The following ESPNL variants were observed in gnomAD, a reference collection of about 807,000 sequenced individuals.
ESPNL encodes the protein espin-like protein.
Under a neutral mutation model 46.8 loss-of-function variants are expected in ESPNL, and 49 were observed. The ratio of observed to expected loss-of-function variants is 1.05; its 90% confidence interval spans 0.83 to 1.33. The LOEUF (loss-of-function observed/expected upper bound fraction) is 1.33, where lower values mean the gene tolerates loss of function less well. Among genes scored for constraint, ESPNL ranks in the 40% most tolerant of loss-of-function variants. The pLI is 0.00. For synonymous variants in ESPNL, 664 were observed against 662.1 expected (o/e 1.00, Z -0.04); for missense variants, 1,540 against 1,436.6 (o/e 1.07, Z -1.16).
intron 4 of ESPNL, among the ~76,000 whole-genome samples, chr2:238,110,652 TCCTG>T (rs1691696841): frequency 1.7e-5 from 2 of 117,492 alleles, no homozygotes; most frequent in African/African-American, 5.8e-5. Flanking sequence ...AGTGTCCCTT[TCCTG>T]TCCCAGGATC....
At chr2:238,116,667 C>T (rs1691820805) in intron 4 of ESPNL, among the ~76,000 whole-genome samples, 1 of 152,234 alleles carries the variant, frequency 6.6e-6, no homozygotes, top group African/African-American at 2.4e-5. Context: ...CTCAGCACTG[C>T]TTCATAAGCA....
chr2:238,127,781 G>A, intron 7 of ESPNL, 47 bp downstream of exon 7: 3 of 1,453,722 alleles, frequency 2.1e-6, no homozygotes, highest in South Asian at 1.2e-5. Flanking sequence ...CCCCTAGCCA[G>A]CCTCCATTCC....
At position 238,131,082 on chromosome 2, in the gene ESPNL, G is replaced by A. The variant is rs766904998; in HGVS notation, c.2368G>A (p.Glu790Lys). Residue 790 changes from glutamate (E) to lysine (K), a missense_variant, in exon 9 of 9, where the codon GAG becomes AAG. By Grantham distance (56) the Glu-to-Lys change is moderately conservative (BLOSUM62 1). Coordinates refer to ENST00000343063, the MANE Select transcript of ESPNL (RefSeq NM_194312.4). Reference sequence around the variant, plus strand: ...CCCTGGGCCACCCTCCCCGCCCAGCGAGGGCCCCCGGCTGGGCCACCTGTG... The same window carrying A: ...CCCTGGGCCACCCTCCCCGCCCAGCAAGGGCCCCCGGCTGGGCCACCTGTG... The part of the protein sequence containing the change: ...RSPGPPSPPS[E>K]GPRLGHLWQQ... The A allele has an allele frequency of 1.5e-5, 23 of 1,540,970 alleles. No individual in the cohort carries two copies. Among genetic ancestry groups the A allele is most frequent in the Admixed American group, 3.9e-5 (2 of 50,794 alleles).
At chr2:238,109,486 G>A (rs1559260156) in intron 4 of ESPNL, among the ~76,000 whole-genome samples, 1 of 152,166 alleles carries the variant, frequency 6.6e-6, no homozygotes. Flanking sequence ...GAGTAGCTGG[G>A]ACTATAGGCG....
intron 6 of ESPNL, among the ~76,000 whole-genome samples, chr2:238,127,133 G>GTCTGTT (rs1692156225): frequency 9.5e-6 from 1 of 105,474 alleles, no homozygotes; most frequent in Non-Finnish European, 1.9e-5. Flanking sequence ...CTGTGTCTGT[G>GTCTGTT]TGATTGTGTC....
chr2:238,131,703 G>T lies in ESPNL; in HGVS notation c.2989G>T (p.Glu997Ter). 6.3e-7 allele frequency: 1 copy of T among 1,589,392 alleles called. No individual in the cohort carries two copies. Among genetic ancestry groups the T allele is most frequent in the Non-Finnish European group, 8.6e-7 (1 of 1,161,294 alleles). Residue 997 changes from glutamate to a stop codon, truncating the protein, a stop_gained, in exon 9 of 9, where the codon GAA becomes TAA. Coordinates refer to ENST00000343063, the MANE Select transcript of ESPNL (RefSeq NM_194312.4). LOFTEE classifies it high-confidence loss of function. ...NRSFAFWKEKEAEMFNFGE is the reference protein window; with the variant it reads ...NRSFAFWKEK ...CAGCTTTGCCTTCTGGAAGGAGAAGGAAGCTGAGATGTTCAACTTTGGAGA... is the reference window on the plus strand; with the variant it reads ...CAGCTTTGCCTTCTGGAAGGAGAAGTAAGCTGAGATGTTCAACTTTGGAGA...
At position 238,111,771 on chromosome 2, in the gene ESPNL, C is replaced by G. The variant is rs74491567; in HGVS notation, c.855+3798C>G. Reference sequence around the variant, plus strand: ...GTGTGTAAATATCTCTGAGATCCAGCCTTCAAATCTTTTGGATATGTATAC... The same window carrying G: ...GTGTGTAAATATCTCTGAGATCCAGGCTTCAAATCTTTTGGATATGTATAC... On this transcript the variant is annotated intron_variant, in intron 4 of 8. Coordinates refer to ENST00000343063, the MANE Select transcript of ESPNL (RefSeq NM_194312.4). Among the ~76,000 whole-genome samples the G allele has an allele frequency of 7.5e-3, 1,148 of 152,272 alleles. 6 individuals are homozygous for G. The highest frequency in any genetic ancestry group is 0.012 in the Non-Finnish European group (796 of 68,024).
At chr2:238,113,583 G>C (rs1300632278) in intron 4 of ESPNL, among the ~76,000 whole-genome samples, 2 of 152,260 alleles carry the variant, frequency 1.3e-5, no homozygotes, top group East Asian at 3.9e-4. Flanking sequence ...TGAAGCGTAG[G>C]CATAACTGGA....
Position 238,127,744 on chromosome 2 carries a change from C to T in ESPNL, c.1215+10C>T. 1 of 1,597,982 alleles carries T rather than the reference C, an allele frequency of 6.3e-7. No homozygotes were observed. The highest frequency in any genetic ancestry group is 8.5e-7 in the Non-Finnish European group (1 of 1,171,976). ...CACGGCTGACCCCGAGGTTCGTCCT[C>T]CACCCCTGCATTCCTGTCTCCCGGG... On this transcript the variant is annotated intron_variant, in intron 7 of 8. Coordinates refer to ENST00000343063, the MANE Select transcript of ESPNL (RefSeq NM_194312.4).
chr2:238,104,810 G>C lies in ESPNL; in HGVS notation c.640G>C (p.Ala214Pro). The stretch of plus-strand genomic sequence containing the variant: ...CATGAGCGCCCTGCACGCTGCCGCC[G>C]CCCGTGGCCACTACTCCCTCGTCGT... ...DGMSALHAAA[A>P]RGHYSLVVWL... Residue 214 changes from alanine (A) to proline (P), a missense_variant, in exon 3 of 9, where the codon GCC becomes CCC. Coordinates refer to ENST00000343063, the MANE Select transcript of ESPNL (RefSeq NM_194312.4). 6.4e-7 allele frequency: 1 copy of C among 1,552,370 alleles called. No individual in the cohort carries two copies. The highest frequency in any genetic ancestry group is 1.4e-5 in the African/African-American group (1 of 73,438).
rs748164715 is a variant in ESPNL, at chr2:238,131,408, C to G, written c.2694C>G (p.Arg898=). 1 of 1,607,812 alleles carries G rather than the reference C, an allele frequency of 6.2e-7. No individual in the cohort carries two copies. Among genetic ancestry groups the G allele is most frequent in the Non-Finnish European group, 8.5e-7 (1 of 1,177,926 alleles). The change falls in exon 9 of 9, where the codon CGC becomes CGG. Residue 898 remains arginine (R), a synonymous_variant. Transcript: ENST00000343063. ...HLGTHGWEAV[R]AFHKAVTDEV... ...GCACCCACGGCTGGGAGGCTGTGCG[C>G]GCCTTCCACAAGGCCGTGACCGACG...
At chr2:238,116,259 C>G (rs1436063774) in intron 4 of ESPNL, among the ~76,000 whole-genome samples, 1 of 152,246 alleles carries the variant, frequency 6.6e-6, no homozygotes, top group Non-Finnish European at 1.5e-5. Flanking sequence ...ACTCCCTCCC[C>G]AGCTTCCTTC....
At position 238,131,185 on chromosome 2, in the gene ESPNL, G is replaced by A. The variant is rs199949114; in HGVS notation, c.2471G>A (p.Arg824Gln). Reference sequence around the variant, plus strand: ...GCTCACGTGCCCGCCCGGCAGCTGCGGCGGCTGAGCCGGCAGCCCCGCGGG... The same window carrying A: ...GCTCACGTGCCCGCCCGGCAGCTGCAGCGGCTGAGCCGGCAGCCCCGCGGG... ...IMAHVPARQL[R>Q]RLSRQPRGAL... Residue 824 changes from arginine to glutamine, a missense_variant, in exon 9 of 9, where the codon CGG becomes CAG. Transcript: ENST00000343063. 58 of 1,544,450 alleles carry A rather than the reference G, an allele frequency of 3.8e-5. No homozygotes were observed. In the East Asian group the frequency reaches 7.8e-4, roughly 21 times the overall value.
chr2:238,130,987 T>G lies in ESPNL; in HGVS notation c.2273T>G (p.Leu758Arg). Reference protein sequence around the residue: ...HWRRSAYTPALKTVACRTLGA... With the variant: ...HWRRSAYTPARKTVACRTLGA... ...AGGAGATCGGCCTACACGCCGGCCC[T>G]CAAGACAGTGGCCTGCAGGACCCTA... The change falls in exon 9 of 9, where the codon CTC (leucine) becomes CGC (arginine). Residue 758 changes from leucine (L) to arginine (R), a missense_variant. By Grantham distance (102) the Leu-to-Arg change is moderately radical (BLOSUM62 -2). Transcript: ENST00000343063. 6.5e-6 allele frequency: 10 copies of G among 1,547,576 alleles called. No individual in the cohort carries two copies. The highest frequency in any genetic ancestry group is 8.7e-6 in the Non-Finnish European group (10 of 1,146,878).
At chr2:238,120,109 C>T (rs540947458) in intron 5 of ESPNL, among the ~76,000 whole-genome samples, 10 of 152,296 alleles carry the variant, frequency 6.6e-5, no homozygotes, top group African/African-American at 2.4e-4. Context: ...TGCTAGGCGT[C>T]CAGCGGGTCC....
intron 3 of ESPNL, among the ~76,000 whole-genome samples, chr2:238,105,512 C>CA (rs58809990): frequency 0.026 from 2,531 of 97,872 alleles, 61 homozygotes; most frequent in African/African-American, 0.044. Context: ...GACTCTGTCT[C>CA]AAAAAAAAAA....
chr2:238,118,782 GATGGAGGAGGGTGGATGGAGGAGGAA>G (rs1691895934), intron 5 of ESPNL, among the ~76,000 whole-genome samples: 1 of 64,588 alleles, frequency 1.5e-5, no homozygotes, highest in Non-Finnish European at 2.9e-5. Context: ...GAGGAGGGGA[GATGGAGGAGGGTGGATGGAGGAGGAA>G]TGGATGGAGG....
rs772776632 is a variant in ESPNL at position 238,130,798 on chromosome 2, G to A, written c.2084G>A (p.Arg695His). The A allele has an allele frequency of 5.1e-5, 79 of 1,543,566 alleles. No homozygotes were observed. The highest frequency in any genetic ancestry group is 2.3e-4 in the South Asian group (19 of 84,442). The change falls in exon 9 of 9, where the codon CGC (arginine) becomes CAC (histidine). Residue 695 changes from arginine (R) to histidine (H), a missense_variant. Arg to His is a conservative substitution (Grantham distance 29). Transcript: ENST00000343063. ...SGCWPALPKPRSGLASGEPRP... is the reference protein window; with the variant it reads ...SGCWPALPKPHSGLASGEPRP... ...TGCTGGCCAGCCCTGCCTAAGCCCC[G>A]CAGTGGCCTGGCTTCAGGGGAGCCC...
chr2:238,104,843 G>C lies in ESPNL; in HGVS notation c.672+1G>C. Reference sequence around the variant, plus strand: ...CCACTACTCCCTCGTCGTCTGGCTGGTAAGTGGGTGCCAGAGGTGGGAAGG... The same window carrying C: ...CCACTACTCCCTCGTCGTCTGGCTGCTAAGTGGGTGCCAGAGGTGGGAAGG... On this transcript the variant is annotated splice_donor_variant, in intron 3 of 8. Transcript: ENST00000343063. LOFTEE classifies it high-confidence loss of function. The C allele has an allele frequency of 6.7e-7, 1 of 1,494,254 alleles. No homozygotes were observed. The highest frequency in any genetic ancestry group is 8.9e-7 in the Non-Finnish European group (1 of 1,118,838). 92.6% of individuals were successfully genotyped at this position (1,494,254 alleles called of 1,614,324 possible). A position where few individuals can be genotyped will look rare whatever the true frequency, so the allele number is the denominator to read the frequency against.
Sources: gnomAD v4.1 joint callset for allele counts (sites outside exome capture counted in the v4.1 genomes callset) on GRCh38, gnomAD v4.1.1 for gene constraint, MANE v1.5 for transcripts, NCBI Gene and HGNC (gene_info 2026-07-23, HGNC 2026-07-21) for gene names.